The following SMIM13 variants were observed in gnomAD, a reference collection of about 807,000 sequenced individuals.
The protein encoded by SMIM13 is small integral membrane protein 13, also known as UPF0766 protein C6orf228.
SMIM13 carries 3 observed loss-of-function variants against 5.9 expected under a neutral mutation model. That is an observed-to-expected ratio of 0.51 (90% CI 0.23 to 1.31). The LOEUF is 1.31. Ranked by LOEUF, SMIM13 falls within the 40% of genes most tolerant of loss-of-function variation. The probability of loss-of-function intolerance (pLI) is 0.18; values close to 1 mark genes in which losing one functional copy is unlikely to be tolerated. For missense variants in SMIM13, 85 were observed against 109.9 expected (o/e 0.77, Z 1.01); for synonymous variants, 55 against 46.0 (o/e 1.19, Z -0.79).
chr6:11,104,621 C>T (rs965146869), intron 1 of SMIM13: 2 of 1,613,982 alleles, frequency 1.2e-6, no homozygotes, highest in African/African-American at 2.7e-5. Context: ...GAGTTTGGTC[C>T]AATAGAACCC....
intron 1 of SMIM13, among the ~76,000 whole-genome samples, chr6:11,101,781 C>T (rs1016488418): frequency 6.6e-6 from 1 of 151,278 alleles, no homozygotes; most frequent in African/African-American, 2.4e-5. Flanking sequence ...CATCTGTCGC[C>T]CAGACTGGAG....
intron 1 of SMIM13, among the ~76,000 whole-genome samples, chr6:11,113,439 A>G (rs1758196333): frequency 6.6e-6 from 1 of 152,196 alleles, no homozygotes; most frequent in African/African-American, 2.4e-5. Context: ...CATCTTTACA[A>G]GTTTTTTCTA....
At chr6:11,126,547 A>C (rs1758379581) in intron 1 of SMIM13, among the ~76,000 whole-genome samples, 1 of 152,028 alleles carries the variant, frequency 6.6e-6, no homozygotes, top group Non-Finnish European at 1.5e-5. Flanking sequence ...CATTCTCTTT[A>C]ATTTTGTTGA....
At chr6:11,117,646 A>G (rs982599764) in intron 1 of SMIM13, among the ~76,000 whole-genome samples, 5 of 151,628 alleles carry the variant, frequency 3.3e-5, no homozygotes, top group Admixed American at 6.6e-5. Context: ...TCAGTTTCTA[A>G]TTTGACTTTT....
intron 1 of SMIM13, among the ~76,000 whole-genome samples, chr6:11,097,971 T>C (rs1300172790): frequency 6.6e-6 from 1 of 152,012 alleles, no homozygotes; most frequent in Non-Finnish European, 1.5e-5. Flanking sequence ...ATTTCTGAGA[T>C]TTCATGGACT....
chr6:11,136,788 A>G lies in SMIM13; in HGVS notation c.*2186A>G, dbSNP rs946244438. On this transcript the variant is annotated 3_prime_UTR_variant, in exon 2 of 2. Transcript: ENST00000416247. ...TCAAGCGTTAATTTTAATGCTTCCT[A>G]CTAGCTAAATATCATCTTAAAATGA... 2.0e-5 allele frequency: 3 copies of G among 152,002 alleles called. No individual in the cohort carries two copies. Among genetic ancestry groups the G allele is most frequent in the Admixed American group, 6.6e-5 (1 of 15,254 alleles). The allele number at this position is 152,002 out of a possible 1,614,324, so 9.4% of individuals were successfully genotyped here.
At chr6:11,125,485 A>C (rs1054185801) in intron 1 of SMIM13, among the ~76,000 whole-genome samples, 5 of 152,078 alleles carry the variant, frequency 3.3e-5, no homozygotes, top group Non-Finnish European at 5.9e-5. Context: ...AATCTCAGCT[A>C]CTCGGGAGTC....
intron 1 of SMIM13, among the ~76,000 whole-genome samples, chr6:11,112,935 G>A (rs751683395): frequency 2.0e-5 from 3 of 152,212 alleles, no homozygotes; most frequent in Middle Eastern, 3.4e-3. Flanking sequence ...AGCCTCCCAA[G>A]TAGCTGGGAT....
Position 11,134,634 on chromosome 6 carries a change from G to T in SMIM13, c.*32G>T, listed in dbSNP as rs1476287789. On this transcript the variant is annotated 3_prime_UTR_variant, in exon 2 of 2. Transcript: ENST00000416247. ...ACTTGTGAAGGATGAAAAGGCAGTT[G>T]CCAGCTTCTGTCTTTTACTGACTTC... The T allele has an allele frequency of 7.1e-7, 1 of 1,403,850 alleles. No homozygotes were observed. Among genetic ancestry groups the T allele is most frequent in the African/African-American group, 1.5e-5 (1 of 68,596 alleles). The allele number at this position is 1,403,850 out of a possible 1,614,324, so 87.0% of individuals were successfully genotyped here.
chr6:11,123,064 C>A (rs1423197998), intron 1 of SMIM13, among the ~76,000 whole-genome samples: 3 of 152,088 alleles, frequency 2.0e-5, no homozygotes, highest in African/African-American at 7.2e-5. Flanking sequence ...ATAAAAACAT[C>A]CATGTCCTCT....
In SMIM13 at chr6:11,135,135, T is replaced by G. The variant is rs1266029765; in HGVS notation, c.*533T>G. Reference sequence around the variant, plus strand: ...AAATGTCTTCAAAAAGATCACACTATGATTCAGCATTGAAACGAAAAGTTA... The same window carrying G: ...AAATGTCTTCAAAAAGATCACACTAGGATTCAGCATTGAAACGAAAAGTTA... On this transcript the variant is annotated 3_prime_UTR_variant, in exon 2 of 2. Transcript: ENST00000416247. 1 of 152,658 alleles carries G rather than the reference T, an allele frequency of 6.6e-6. No individual in the cohort carries two copies. The highest frequency in any genetic ancestry group is 1.5e-5 in the Non-Finnish European group (1 of 68,048). 9.5% of individuals were successfully genotyped at this position (152,658 alleles called of 1,614,324 possible).
chr6:11,129,833 C>T (rs938378790), intron 1 of SMIM13, among the ~76,000 whole-genome samples: 1 of 152,112 alleles, frequency 6.6e-6, no homozygotes, highest in Non-Finnish European at 1.5e-5. Context: ...GTATCTGGCA[C>T]AGTAATACCT....
In SMIM13 at chr6:11,104,684, A is replaced by G. The variant is rs1758056472; in HGVS notation, c.76+10295A>G. 5 of 1,614,264 alleles carry G rather than the reference A, an allele frequency of 3.1e-6. No individual in the cohort carries two copies. In the East Asian group the frequency reaches 1.1e-4, roughly 36 times the overall value. On this transcript the variant is annotated intron_variant, in intron 1 of 1. Coordinates refer to ENST00000416247, the MANE Select transcript of SMIM13 (RefSeq NM_001135575.2). The stretch of plus-strand genomic sequence containing the variant: ...TTTGCAGACATTGGTTATAATCAGC[A>G]GGCCGGAACCAGAAGTTTCGAGTAC...
chr6:11,133,457 C>T (rs1223559104), intron 1 of SMIM13, among the ~76,000 whole-genome samples: 2 of 152,088 alleles, frequency 1.3e-5, no homozygotes, highest in African/African-American at 2.4e-5. Context: ...TGGATTAACA[C>T]GGCTAGAAAA....
At chr6:11,099,053 C>T (rs879751373) in intron 1 of SMIM13, among the ~76,000 whole-genome samples, 4 of 152,102 alleles carry the variant, frequency 2.6e-5, no homozygotes, top group Non-Finnish European at 5.9e-5. Flanking sequence ...AATACATTTC[C>T]CTTTTCTTTT....
At chr6:11,123,558 C>A (rs1758338303) in intron 1 of SMIM13, among the ~76,000 whole-genome samples, 1 of 152,128 alleles carries the variant, frequency 6.6e-6, no homozygotes, top group Non-Finnish European at 1.5e-5. Flanking sequence ...GTGTGGCATA[C>A]CAGAAGTGTA....
chr6:11,123,076 AG>A (rs1370128304), intron 1 of SMIM13, among the ~76,000 whole-genome samples: 1 of 152,132 alleles, frequency 6.6e-6, no homozygotes, highest in East Asian at 1.9e-4. Flanking sequence ...ATGTCCTCTC[AG>A]GGATAGGCCC....
Position 11,094,190 on chromosome 6 carries a change from GCCC to G in SMIM13, c.-123_-121del. On this transcript the variant is annotated 5_prime_UTR_variant, in exon 1 of 2. Coordinates refer to ENST00000416247, the MANE Select transcript of SMIM13 (RefSeq NM_001135575.2). ...GGGCGCTGCCGAGGGGGCGCCAGCC[GCCC>G]ATGCCGCCCCGGCGCCCAGCCGCGC... 1 of 251,730 alleles carries G rather than the reference GCCC, an allele frequency of 4.0e-6. No homozygotes were observed. The highest frequency in any genetic ancestry group is 6.3e-6 in the Non-Finnish European group (1 of 159,294). 15.6% of individuals were successfully genotyped at this position (251,730 alleles called of 1,614,324 possible). A position where few individuals can be genotyped will look rare whatever the true frequency, so the allele number is the denominator to read the frequency against.
chr6:11,133,481 T>G (rs568833609), intron 1 of SMIM13, among the ~76,000 whole-genome samples: 2 of 152,358 alleles, frequency 1.3e-5, no homozygotes, highest in East Asian at 3.9e-4. Flanking sequence ...GGTTGTATTT[T>G]GTTTTCACAA....
Sources: gnomAD v4.1 joint callset for allele counts (sites outside exome capture counted in the v4.1 genomes callset) on GRCh38, gnomAD v4.1.1 for gene constraint, MANE v1.5 for transcripts, NCBI Gene and HGNC (gene_info 2026-07-23, HGNC 2026-07-21) for gene names.